SLC2A13: variants seen among roughly 807,000 people sequenced by gnomAD.
The protein encoded by SLC2A13 is proton myo-inositol cotransporter.
Under a neutral mutation model 64.4 loss-of-function variants are expected in SLC2A13, and 32 were observed. The observed-to-expected ratio is 0.50, with a 90% CI of 0.37 to 0.67. The LOEUF is 0.67. Ranked by LOEUF, SLC2A13 falls within the 30% of genes least tolerant of loss-of-function variation. The pLI is 0.00. For synonymous variants in SLC2A13, 338 were observed against 327.1 expected (o/e 1.03, Z -0.36); for missense variants, 743 against 829.2 (o/e 0.90, Z 1.28).
chr12:40,017,616 C>A (rs1592009964), intron 3 of SLC2A13, among the ~76,000 whole-genome samples: 1 of 152,196 alleles, frequency 6.6e-6, no homozygotes, highest in African/African-American at 2.4e-5. Context: ...GATAGTACAG[C>A]TGGCTCCAGT....
At chr12:40,072,161 T>C (rs1368376846) in intron 1 of SLC2A13, among the ~76,000 whole-genome samples, 1 of 152,132 alleles carries the variant, frequency 6.6e-6, no homozygotes, top group Non-Finnish European at 1.5e-5. Flanking sequence ...TTTTGACTCA[T>C]GTTATTTAGA....
chr12:39,851,383 A>G (rs1015543820), intron 6 of SLC2A13, among the ~76,000 whole-genome samples: 1 of 152,244 alleles, frequency 6.6e-6, no homozygotes, highest in Non-Finnish European at 1.5e-5. Context: ...CAAAAGGAAG[A>G]ATGAGAATTA....
intron 3 of SLC2A13, among the ~76,000 whole-genome samples, chr12:39,961,655 C>T (rs1372992458): frequency 6.6e-6 from 1 of 151,894 alleles, no homozygotes; most frequent in African/African-American, 2.4e-5. Flanking sequence ...CATGCCATCA[C>T]ATCTGGCTAA....
intron 9 of SLC2A13, among the ~76,000 whole-genome samples, chr12:39,760,531 G>C (rs1387973720): frequency 6.6e-6 from 1 of 151,980 alleles, no homozygotes; most frequent in Non-Finnish European, 1.5e-5. Context: ...TCCCTGACTA[G>C]AGGGAATTAT....
intron 4 of SLC2A13, among the ~76,000 whole-genome samples, chr12:39,893,475 T>G (rs183355668): frequency 6.6e-5 from 10 of 152,312 alleles, no homozygotes; most frequent in Admixed American, 6.5e-4. Flanking sequence ...AATTTTTGTA[T>G]TCTTAGTAGA....
intron 4 of SLC2A13, among the ~76,000 whole-genome samples, chr12:39,885,285 T>C (rs906260498): frequency 2.6e-5 from 4 of 152,154 alleles, no homozygotes; most frequent in Admixed American, 2.6e-4. Flanking sequence ...CTCAAATGAA[T>C]GCTTTCATCT....
rs748240778 is a variant in SLC2A13, at chr12:39,787,471, C to T, written c.1446-22613G>A. On this transcript the variant is annotated intron_variant, in intron 7 of 9. Transcript: ENST00000280871. ...TCTAAAGCAGAGAGAAATCCTTTATCGGGATTTCTAGGAGATTATTTTTTT... is the reference window on the plus strand; with the variant it reads ...TCTAAAGCAGAGAGAAATCCTTTATTGGGATTTCTAGGAGATTATTTTTTT... Among the ~76,000 whole-genome samples the T allele has an allele frequency of 2.8e-4, 43 of 152,158 alleles. 1 individual carries two copies. The East Asian group carries it at 6.6e-3, about 23-fold the overall frequency.
chr12:40,077,205 C>T (rs1938210161), intron 1 of SLC2A13, among the ~76,000 whole-genome samples: 2 of 151,838 alleles, frequency 1.3e-5, no homozygotes, highest in African/African-American at 4.8e-5. Context: ...CTTTTGGAGT[C>T]TTCATCATGG....
intron 3 of SLC2A13, among the ~76,000 whole-genome samples, chr12:39,964,970 A>T (rs889229457): frequency 1.3e-5 from 2 of 152,176 alleles, no homozygotes; most frequent in Non-Finnish European, 2.9e-5. Context: ...ATAGGGAAAA[A>T]AATTATTAGA....
chr12:39,918,362 C>CTTTTTTTT (rs5797644), intron 4 of SLC2A13, among the ~76,000 whole-genome samples: 1 of 147,306 alleles, frequency 6.8e-6, no homozygotes. Flanking sequence ...CAGAAGTTTC[C>CTTTTTTTT]TTTTTTTTTT....
rs191707017 is a variant in SLC2A13, at chr12:39,889,721, G to A, written c.1035-17760C>T. ...CTAATTTTTGTATTTTTAGAGAGAC[G>A]GGGTTTCACCATGTTGGCCAGGATG... On this transcript the variant is annotated intron_variant, in intron 4 of 9. Transcript: ENST00000280871. 2.3e-3 allele frequency among the ~76,000 whole-genome samples: 353 copies of A among 151,794 alleles called. 2 individuals carry two copies. The highest frequency in any genetic ancestry group is 7.9e-3 in the African/African-American group (329 of 41,410).
At chr12:39,990,369 T>C (rs1947112921) in intron 3 of SLC2A13, among the ~76,000 whole-genome samples, 4 of 152,148 alleles carry the variant, frequency 2.6e-5, no homozygotes. Context: ...GAGAGATAAA[T>C]ACATATTTTA....
rs1423139413 is a variant in SLC2A13, at chr12:39,977,285, T to A, written c.926-25920A>T. On this transcript the variant is annotated intron_variant, in intron 3 of 9. Coordinates refer to ENST00000280871, the MANE Select transcript of SLC2A13 (RefSeq NM_052885.4). ...ATCAAGGAGCTAGTGAGTGGTAAGG[T>A]CAATGTTTATCTAACCCCAAACCCC... Among the ~76,000 whole-genome samples, 3 of 152,206 alleles carry A rather than the reference T, an allele frequency of 2.0e-5. No homozygotes were observed. The East Asian group carries it at 5.8e-4, about 29-fold the overall frequency.
intron 7 of SLC2A13, among the ~76,000 whole-genome samples, chr12:39,798,697 A>G (rs1004735305): frequency 6.6e-6 from 1 of 152,188 alleles, no homozygotes; most frequent in African/African-American, 2.4e-5. Flanking sequence ...GACAGATCAC[A>G]TCCATTCCAG....
At chr12:39,914,759 C>T (rs965614604) in intron 4 of SLC2A13, among the ~76,000 whole-genome samples, 3 of 151,804 alleles carry the variant, frequency 2.0e-5, no homozygotes, top group African/African-American at 7.3e-5. Context: ...AAAACGGACT[C>T]GCTGTGTAGA....
intron 4 of SLC2A13, among the ~76,000 whole-genome samples, chr12:39,921,447 G>C (rs889817013): frequency 6.6e-6 from 1 of 152,122 alleles, no homozygotes; most frequent in South Asian, 2.1e-4. Flanking sequence ...AGGGTGGCCC[G>C]GCCATGCTTA....
At chr12:39,988,898 C>T (rs979778085) in intron 3 of SLC2A13, among the ~76,000 whole-genome samples, 5 of 152,044 alleles carry the variant, frequency 3.3e-5, no homozygotes, top group South Asian at 2.1e-4. Flanking sequence ...TAACTCTATA[C>T]GTCGCCTCCT....
chr12:39,815,526 T>C (rs1942315675), intron 7 of SLC2A13, among the ~76,000 whole-genome samples: 1 of 152,222 alleles, frequency 6.6e-6, no homozygotes, highest in Non-Finnish European at 1.5e-5. Context: ...GATTTCTATG[T>C]GTCCAGGCAT....
At chr12:39,968,805 T>C (rs1946585239) in intron 3 of SLC2A13, among the ~76,000 whole-genome samples, 1 of 140,400 alleles carries the variant, frequency 7.1e-6, no homozygotes, top group South Asian at 2.2e-4. Context: ...TATATATATA[T>C]ATCTACATTA....
Sources: allele counts gnomAD v4.1 joint callset (sites outside exome capture counted in the v4.1 genomes callset), GRCh38; gene constraint gnomAD v4.1.1; transcripts MANE v1.5; gene names NCBI Gene and HGNC (gene_info 2026-07-23, HGNC 2026-07-21).